Variants in CREBL2 observed in about 807,000 individuals in gnomAD.
CREBL2 encodes cAMP responsive element binding protein like 2.
Under a neutral mutation model 19.5 loss-of-function variants are expected in CREBL2, and 4 were observed. The ratio of observed to expected loss-of-function variants is 0.20; its 90% CI spans 0.10 to 0.47. The LOEUF is 0.47. CREBL2 is among the 20% of genes least tolerant of loss of function. CREBL2 has a pLI of 0.98. For missense variants in CREBL2, 85 were observed against 145.1 expected (o/e 0.59, Z 2.13); for synonymous variants, 42 against 46.6 (o/e 0.90, Z 0.40).
chr12:12,640,796 A>G (rs1386030789), intron 3 of CREBL2, among the ~76,000 whole-genome samples: 1 of 152,110 alleles, frequency 6.6e-6, no homozygotes, highest in East Asian at 1.9e-4. Context: ...CAGATACATG[A>G]TTTGCAGATA....
intron 1 of CREBL2, among the ~76,000 whole-genome samples, chr12:12,624,523 A>G (rs1291739773): frequency 6.6e-6 from 1 of 152,230 alleles, no homozygotes; most frequent in Admixed American, 6.5e-5. Context: ...AGGAGGGAGC[A>G]TGTGAGCAAA....
intron 1 of CREBL2, among the ~76,000 whole-genome samples, chr12:12,626,218 A>G (rs559763304): frequency 1.9e-5 from 2 of 105,958 alleles, no homozygotes; most frequent in African/African-American, 5.6e-5. Context: ...AGAGCATGCA[A>G]CTATAATTAT....
At chr12:12,612,984 G>A (rs1175626042) in intron 1 of CREBL2, among the ~76,000 whole-genome samples, 2 of 152,148 alleles carry the variant, frequency 1.3e-5, no homozygotes, top group Non-Finnish European at 2.9e-5. Context: ...CGATTCTCCT[G>A]CCTCAGCCTC....
At chr12:12,625,159 A>G (rs1464354382) in intron 1 of CREBL2, among the ~76,000 whole-genome samples, 1 of 152,128 alleles carries the variant, frequency 6.6e-6, no homozygotes, top group African/African-American at 2.4e-5. Context: ...GAGTGGGAAA[A>G]CAGGGATGTA....
Position 12,635,858 on chromosome 12 carries a change from A to G in CREBL2, c.97A>G (p.Ser33Gly), listed in dbSNP as rs1488617059. 1.2e-6 allele frequency: 2 copies of G among 1,614,018 alleles called. No individual in the cohort carries two copies. Among genetic ancestry groups the G allele is most frequent in the Admixed American group, 3.3e-5 (2 of 59,992 alleles). ...KIDLKAKLER[S>G]RQSARECRAR... Reference sequence around the variant, plus strand: ...TGACTTGAAAGCAAAACTTGAGAGGAGCCGGCAGAGTGCAAGAGAATGCCG... The same window carrying G: ...TGACTTGAAAGCAAAACTTGAGAGGGGCCGGCAGAGTGCAAGAGAATGCCG... The change falls in exon 2 of 4, where the codon AGC becomes GGC. Residue 33 changes from serine (S) to glycine (G), a missense_variant. Physicochemically the swap from Ser to Gly is moderately conservative, Grantham distance 56 (BLOSUM62 0). This residue lies in a region of CREBL2 where 0 missense variants were observed against 26.7 expected (regional missense o/e 0.00). Coordinates refer to ENST00000228865, the MANE Select transcript of CREBL2 (RefSeq NM_001310.4).
chr12:12,630,628 A>G (rs1223624195), intron 1 of CREBL2, among the ~76,000 whole-genome samples: 2 of 151,834 alleles, frequency 1.3e-5, no homozygotes, highest in African/African-American at 2.4e-5. Context: ...ATTACATTCT[A>G]TCTGTCTGCT....
chr12:12,638,729 A>G (rs1049357716), intron 3 of CREBL2, among the ~76,000 whole-genome samples: 1 of 152,220 alleles, frequency 6.6e-6, no homozygotes, highest in Non-Finnish European at 1.5e-5. Context: ...AAGGCTGGCT[A>G]AGGTGCCCAA....
intron 3 of CREBL2, among the ~76,000 whole-genome samples, chr12:12,641,247 A>ATTTTTTTTTTTTTTTTT (rs1380373401): frequency 1.2e-3 from 26 of 22,060 alleles, no homozygotes; most frequent in East Asian, 3.2e-3. Flanking sequence ...TATTATTATT[A>ATTTTTTTTTTTTTTTTT]TTATTATTTT....
chr12:12,628,865 T>C (rs540928457), intron 1 of CREBL2, among the ~76,000 whole-genome samples: 6 of 152,364 alleles, frequency 3.9e-5, no homozygotes, highest in Non-Finnish European at 7.4e-5. Context: ...CAGCACCCTT[T>C]ATTGAAGAGA....
Position 12,642,669 on chromosome 12 carries a change from C to T in CREBL2, c.*671C>T, listed in dbSNP as rs2136308906. ...TCTATCAGGAAAACCCTCAAGACAG[C>T]TTCTAGTTAAAACCTTTGTTGCTGT... On this transcript the variant is annotated 3_prime_UTR_variant, in exon 4 of 4. Coordinates refer to ENST00000228865, the MANE Select transcript of CREBL2 (RefSeq NM_001310.4). 1 of 152,308 alleles carries T rather than the reference C, an allele frequency of 6.6e-6. No homozygotes were observed. Among genetic ancestry groups the T allele is most frequent in the African/African-American group, 2.4e-5 (1 of 41,572 alleles). 9.4% of individuals were successfully genotyped at this position (152,308 alleles called of 1,614,324 possible).
At chr12:12,618,131 T>C (rs1734142359) in intron 1 of CREBL2, among the ~76,000 whole-genome samples, 1 of 152,214 alleles carries the variant, frequency 6.6e-6, no homozygotes. Context: ...CCTTTTCTAT[T>C]CGACAAAACT....
In CREBL2 at chr12:12,643,492, AGAG is replaced by A. The variant is rs1233326291; in HGVS notation, c.*1498_*1500del. The A allele has an allele frequency of 6.6e-6, 1 of 152,590 alleles. No individual in the cohort carries two copies. Among genetic ancestry groups the A allele is most frequent in the African/African-American group, 2.4e-5 (1 of 41,458 alleles). The allele number at this position is 152,590 out of a possible 1,614,324, so 9.5% of individuals were successfully genotyped here. ...TATTTTGTTCTGAACTGGCAGTTTA[AGAG>A]GAGATACCGTAGTCTAGATTGTCTT... On this transcript the variant is annotated 3_prime_UTR_variant, in exon 4 of 4. Transcript: ENST00000228865.
chr12:12,638,569 A>G (rs1000077504), intron 3 of CREBL2, among the ~76,000 whole-genome samples: 3 of 152,154 alleles, frequency 2.0e-5, no homozygotes, highest in African/African-American at 4.8e-5. Flanking sequence ...TGGGAGTGGC[A>G]CGAATCTAGC....
At chr12:12,618,876 A>G (rs1396882120) in intron 1 of CREBL2, among the ~76,000 whole-genome samples, 2 of 152,188 alleles carry the variant, frequency 1.3e-5, no homozygotes. Context: ...CGTCTCCACC[A>G]AAAAATACAA....
At chr12:12,640,068 C>T (rs1945505971) in intron 3 of CREBL2, among the ~76,000 whole-genome samples, 1 of 152,292 alleles carries the variant, frequency 6.6e-6, no homozygotes, top group East Asian at 1.9e-4. Flanking sequence ...CTATGTTCAG[C>T]AGTGCACATA....
chr12:12,628,305 A>G (rs763333776), intron 1 of CREBL2, among the ~76,000 whole-genome samples: 4 of 152,120 alleles, frequency 2.6e-5, no homozygotes, highest in Non-Finnish European at 4.4e-5. Flanking sequence ...TGGCATTTGT[A>G]TATCTTCTTT....
chr12:12,625,867 C>T (rs1435298447), intron 1 of CREBL2, among the ~76,000 whole-genome samples: 1 of 151,818 alleles, frequency 6.6e-6, no homozygotes, highest in African/African-American at 2.4e-5. Context: ...TGTATTTATC[C>T]CTAGAGTTTT....
At chr12:12,632,717 A>G (rs192586141) in intron 1 of CREBL2, 4 of 152,212 alleles carry the variant, frequency 2.6e-5, no homozygotes, top group African/African-American at 9.6e-5. Flanking sequence ...CAAAAAGTGT[A>G]TTCAATAGTA....
intron 1 of CREBL2, among the ~76,000 whole-genome samples, chr12:12,627,510 G>C (rs1435293615): frequency 2.0e-5 from 3 of 152,110 alleles, no homozygotes; most frequent in Non-Finnish European, 4.4e-5. Flanking sequence ...CTTTCACTTA[G>C]CATAATGCTT....
Sources: gnomAD v4.1 joint callset for allele counts (sites outside exome capture counted in the v4.1 genomes callset) on GRCh38, gnomAD v4.1.1 for gene constraint, gnomAD v4.1.1 regional missense constraint, MANE v1.5 for transcripts, NCBI Gene and HGNC (gene_info 2026-07-23, HGNC 2026-07-21) for gene names.